The following ZBBX variants were observed in gnomAD, a reference collection of about 807,000 sequenced individuals.
ZBBX encodes the protein zinc finger B-box domain containing, also known as zinc finger B-box domain-containing protein 1.
A neutral mutation model predicts 108.5 loss-of-function variants in ZBBX; 101 were observed. The observed-to-expected ratio is 0.93, with a 90% CI of 0.79 to 1.10. The LOEUF (loss-of-function observed/expected upper bound fraction) is 1.10, where lower values mean the gene tolerates loss of function less well. Ranked by LOEUF, ZBBX falls within the 50% of genes least tolerant of loss-of-function variation. The probability of loss-of-function intolerance (pLI) is 0.00; values close to 1 mark genes in which losing one functional copy is unlikely to be tolerated. For synonymous variants in ZBBX, 356 were observed against 323.4 expected (o/e 1.10, Z -1.08); for missense variants, 1,009 against 941.4 (o/e 1.07, Z -0.94).
rs764641339 is a variant in ZBBX, at chr3:167,360,716, G to C, written c.281C>G (p.Ala94Gly). The change falls in exon 7 of 22, where the codon GCT (alanine) becomes GGT (glycine). Residue 94 changes from alanine to glycine, a missense_variant. Transcript: ENST00000675490. ...CAGCAATTTTAATTTCACTTTTCCA[G>C]CAGAAAACTGTATTAATAAAATAGA... ...QNKGNVVKFS[A>G]GKVKLKLLKE... The C allele has an allele frequency of 4.3e-6, 6 of 1,387,274 alleles. No individual in the cohort carries two copies. The African/African-American group carries it at 9.0e-5, about 21-fold the overall frequency. The allele number at this position is 1,387,274 out of a possible 1,614,324, so 85.9% of individuals were successfully genotyped here.
intron 4 of ZBBX, among the ~76,000 whole-genome samples, chr3:167,370,734 GA>G (rs1746035165): frequency 6.6e-6 from 1 of 152,144 alleles, no homozygotes; most frequent in African/African-American, 2.4e-5. Context: ...GCCACTTGAG[GA>G]AAGCTAAGGT....
intron 20 of ZBBX, among the ~76,000 whole-genome samples, chr3:167,278,968 T>C (rs1728231140): frequency 6.6e-6 from 1 of 152,128 alleles, no homozygotes; most frequent in Non-Finnish European, 1.5e-5. Context: ...ATAAATGTAA[T>C]CCAGCATATA....
the ZBBX span, among the ~76,000 whole-genome samples, chr3:167,200,557 A>G: frequency 4.7e-4 from 72 of 152,290 alleles, no homozygotes; most frequent in South Asian, 3.1e-3. Context: ...CTGCATACGC[A>G]TCTGGATCAA....
chr3:167,393,937 A>G (rs1282780154), intron 1 of ZBBX, among the ~76,000 whole-genome samples: 1 of 151,908 alleles, frequency 6.6e-6, no homozygotes, highest in African/African-American at 2.4e-5. Context: ...GAACTTTTTC[A>G]CTAAGTTTAA....
At chr3:167,274,573 C>A (rs778957373) in intron 20 of ZBBX, among the ~76,000 whole-genome samples, 20 of 152,272 alleles carry the variant, frequency 1.3e-4, no homozygotes, top group African/African-American at 4.3e-4. Flanking sequence ...TGTTAACTTC[C>A]TTACCCTTTG....
In ZBBX at chr3:167,348,227, G is replaced by GAGGA. The variant is rs767679935; in HGVS notation, c.528+2189_528+2192dup. On this transcript the variant is annotated intron_variant, in intron 9 of 21. Coordinates refer to ENST00000675490, the MANE Select transcript of ZBBX (RefSeq NM_001199201.2). ...GAAGGAAGGAAGGAAGCAAGGGAGG[G>GAGGA]AGGAGGGAAGGAAGGGAGGGAGGGA... Among the ~76,000 whole-genome samples the GAGGA allele has an allele frequency of 8.7e-3, 1,133 of 130,458 alleles. 94 individuals are homozygous for GAGGA. Among genetic ancestry groups the GAGGA allele is most frequent in the Non-Finnish European group, 0.013 (779 of 60,714 alleles). 85.6% of individuals were successfully genotyped at this position (130,458 alleles called of 152,430 possible).
At chr3:167,318,501 G>A (rs1735849959) in intron 12 of ZBBX, among the ~76,000 whole-genome samples, 1 of 151,932 alleles carries the variant, frequency 6.6e-6, no homozygotes, top group South Asian at 2.1e-4. Flanking sequence ...AGAGGAATTT[G>A]AACTCAAGGA....
chr3:167,263,605 G>T (rs1724961876), intron 20 of ZBBX, among the ~76,000 whole-genome samples: 1 of 151,990 alleles, frequency 6.6e-6, no homozygotes, highest in Non-Finnish European at 1.5e-5. Context: ...TCCAATTTTT[G>T]GATATTTTAT....
chr3:167,362,964 AC>A (rs1017300022), intron 6 of ZBBX, among the ~76,000 whole-genome samples: 1 of 151,742 alleles, frequency 6.6e-6, no homozygotes, highest in African/African-American at 2.4e-5. Context: ...GCACATGTTC[AC>A]CTGACATCCT....
chr3:167,269,884 T>A (rs1461075859), intron 20 of ZBBX, among the ~76,000 whole-genome samples: 1 of 152,186 alleles, frequency 6.6e-6, no homozygotes. Flanking sequence ...GCATGTCCCC[T>A]AGCTGAAGAT....
the ZBBX span, among the ~76,000 whole-genome samples, chr3:167,222,421 G>A: frequency 4.6e-4 from 70 of 151,866 alleles, 1 homozygote; most frequent in African/African-American, 1.6e-3. Flanking sequence ...GAAGGGTAGT[G>A]GAGGGTAGGA....
chr3:167,198,204 T>C, the ZBBX span, among the ~76,000 whole-genome samples: 35 of 152,190 alleles, frequency 2.3e-4, 1 homozygote, highest in South Asian at 7.3e-3. Context: ...CTGATAGTGT[T>C]ATATCTAGTG....
chr3:167,259,855 T>G (rs749077765), intron 20 of ZBBX, among the ~76,000 whole-genome samples: 5 of 152,192 alleles, frequency 3.3e-5, no homozygotes, highest in Non-Finnish European at 7.4e-5. Context: ...TAATTTCAAT[T>G]TTTAAAAAAT....
intron 9 of ZBBX, among the ~76,000 whole-genome samples, chr3:167,348,354 A>AAGAAAGAAAGAAAGAAAG (rs1553832868): frequency 2.1e-3 from 146 of 69,628 alleles, no homozygotes; most frequent in Middle Eastern, 9.8e-3. Flanking sequence ...GAAAGAAAGA[A>AAGAAAGAAAGAAAGAAAG]AGAAAGAAAG....
chr3:167,387,610 GA>G (rs887381135), intron 1 of ZBBX, among the ~76,000 whole-genome samples: 4 of 151,984 alleles, frequency 2.6e-5, no homozygotes, highest in African/African-American at 9.7e-5. Flanking sequence ...TAGCATTACT[GA>G]AACATACAAG....
chr3:167,328,748 C>T (rs7616572), intron 10 of ZBBX, among the ~76,000 whole-genome samples: 33,214 of 152,096 alleles, frequency 0.22, 4,423 homozygotes, highest in South Asian at 0.31. Context: ...CTGGAATGAG[C>T]CTTCTCCATA....
intron 1 of ZBBX, 116 bp from the exon 2 acceptor site, chr3:167,379,908 C>CA (rs1373158461): frequency 6.6e-6 from 1 of 152,304 alleles, no homozygotes; most frequent in African/African-American, 2.4e-5. Flanking sequence ...AGAAGGGGTA[C>CA]AACTGATGAA....
At chr3:167,398,339 T>C (rs965948099) in intron 1 of ZBBX, among the ~76,000 whole-genome samples, 2 of 152,088 alleles carry the variant, frequency 1.3e-5, no homozygotes, top group Non-Finnish European at 1.5e-5. Context: ...TATAGTATTG[T>C]TCAGTCTACA....
chr3:167,211,534 C>T, the ZBBX span, among the ~76,000 whole-genome samples: 52 of 152,284 alleles, frequency 3.4e-4, no homozygotes, highest in South Asian at 8.5e-3. Flanking sequence ...CTTGGAATTC[C>T]AGCCAGCTAG....
Sources: gnomAD v4.1 joint callset for allele counts (sites outside exome capture counted in the v4.1 genomes callset) on GRCh38, gnomAD v4.1.1 for gene constraint, MANE v1.5 for transcripts, NCBI Gene and HGNC (gene_info 2026-07-23, HGNC 2026-07-21) for gene names.